Variants in CHRM3 observed in about 807,000 individuals in gnomAD.
The protein encoded by CHRM3 is muscarinic acetylcholine receptor M3.
In CHRM3, 11 loss-of-function variants were observed where a neutral mutation model predicts 41.8. The observed-to-expected ratio is 0.26, with a 90% confidence interval of 0.17 to 0.44. The LOEUF is 0.44. Among genes scored for constraint, CHRM3 ranks in the 20% least tolerant of loss-of-function variants. CHRM3 has a pLI of 1.00. For synonymous variants in CHRM3, 297 were observed against 301.4 expected (o/e 0.99, Z 0.15); for missense variants, 571 against 745.4 (o/e 0.77, Z 2.72).
intron 1 of CHRM3, among the ~76,000 whole-genome samples, chr1:239,479,209 C>G (rs1259798135): frequency 1.3e-5 from 2 of 151,604 alleles, no homozygotes; most frequent in African/African-American, 2.4e-5. Context: ...CACACACACA[C>G]ACACACACAC....
At position 239,677,760 on chromosome 1, in the gene CHRM3, A is replaced by AAGGACAGTCATTCTATACAAAAC. The variant is rs1658156134; in HGVS notation, c.-249-425_-249-403dup. ...ATTACATTTCAGTATGAGTTTTGAA[A>AAGGACAGTCATTCTATACAAAAC]AGGACAGTCATTCTATACAAAACCA... On this transcript the variant is annotated intron_variant, in intron 4 of 6. Coordinates refer to ENST00000676153, the MANE Select transcript of CHRM3 (RefSeq NM_001375978.1). Among the ~76,000 whole-genome samples the AAGGACAGTCATTCTATACAAAAC allele has an allele frequency of 2.6e-5, 4 of 152,338 alleles. No individual in the cohort carries two copies. In the East Asian group the frequency reaches 7.7e-4, roughly 29 times the overall value.
intron 5 of CHRM3, among the ~76,000 whole-genome samples, chr1:239,766,518 A>T (rs1281543330): frequency 6.6e-6 from 1 of 152,158 alleles, no homozygotes; most frequent in Non-Finnish European, 1.5e-5. Context: ...ATATCCCTGA[A>T]CTTAAAATAA....
At chr1:239,445,340 A>AAT (rs1161701654) in intron 1 of CHRM3, among the ~76,000 whole-genome samples, 1 of 152,124 alleles carries the variant, frequency 6.6e-6, no homozygotes, top group East Asian at 1.9e-4. Context: ...ATGAAGGGAA[A>AAT]ATATATATGG....
intron 6 of CHRM3, among the ~76,000 whole-genome samples, chr1:239,890,498 A>G (rs1472331580): frequency 1.3e-5 from 2 of 152,190 alleles, no homozygotes; most frequent in Non-Finnish European, 1.5e-5. Flanking sequence ...CATACATACA[A>G]TATTGAGAAT....
chr1:239,782,365 C>T (rs1668571315), intron 5 of CHRM3, among the ~76,000 whole-genome samples: 1 of 151,986 alleles, frequency 6.6e-6, no homozygotes, highest in Non-Finnish European at 1.5e-5. Flanking sequence ...GAAATTAATT[C>T]CTGCCATCTA....
At chr1:239,481,659 A>G (rs1666862119) in intron 1 of CHRM3, among the ~76,000 whole-genome samples, 1 of 152,246 alleles carries the variant, frequency 6.6e-6, no homozygotes. Flanking sequence ...TAAAAGAGAC[A>G]AACACAGAAG....
chr1:239,816,801 G>A (rs1457078804), intron 5 of CHRM3, among the ~76,000 whole-genome samples: 1 of 148,434 alleles, frequency 6.7e-6, no homozygotes, highest in African/African-American at 2.5e-5. Context: ...CACGATCTCA[G>A]CTCACTGCAA....
At chr1:239,617,733 A>G (rs564802197) in intron 3 of CHRM3, among the ~76,000 whole-genome samples, 1 of 152,294 alleles carries the variant, frequency 6.6e-6, no homozygotes, top group East Asian at 1.9e-4. Flanking sequence ...GAAAAAATTT[A>G]AACCTACAAT....
intron 3 of CHRM3, among the ~76,000 whole-genome samples, chr1:239,631,515 C>T (rs1233428483): frequency 6.6e-6 from 1 of 152,230 alleles, no homozygotes; most frequent in East Asian, 1.9e-4. Context: ...CCCATTCCTT[C>T]ATGACCCTCT....
intron 2 of CHRM3, among the ~76,000 whole-genome samples, chr1:239,511,692 AT>A (rs1363381042): frequency 4.6e-5 from 7 of 152,198 alleles, no homozygotes; most frequent in Non-Finnish European, 8.8e-5. Flanking sequence ...CAAATTAAAC[AT>A]TTATTTTAAT....
chr1:239,395,131 T>C (rs994487193), intron 1 of CHRM3, among the ~76,000 whole-genome samples: 11 of 152,162 alleles, frequency 7.2e-5, no homozygotes, highest in Non-Finnish European at 1.2e-4. Context: ...AGCTCTCTTC[T>C]CTCCTCTGGT....
At chr1:239,895,103 G>A (rs894787960) in intron 6 of CHRM3, among the ~76,000 whole-genome samples, 2 of 152,220 alleles carry the variant, frequency 1.3e-5, no homozygotes, top group Non-Finnish European at 2.9e-5. Context: ...ATGGACATTT[G>A]AAGAGATGAT....
chr1:239,551,403 C>T (rs1015063438), intron 3 of CHRM3, among the ~76,000 whole-genome samples: 1 of 151,472 alleles, frequency 6.6e-6, no homozygotes, highest in Non-Finnish European at 1.5e-5. Context: ...CTCAGGTAAT[C>T]CACCCACCTC....
intron 2 of CHRM3, among the ~76,000 whole-genome samples, chr1:239,522,041 T>TTTTCTTTTCTTTTC (rs71166877): frequency 1.4e-3 from 215 of 150,500 alleles, no homozygotes; most frequent in African/African-American, 3.8e-3. Context: ...TTTTCTTTTC[T>TTTTCTTTTCTTTTC]TTTTTGCCAT....
At chr1:239,456,074 G>A (rs1664910951) in intron 1 of CHRM3, among the ~76,000 whole-genome samples, 1 of 152,172 alleles carries the variant, frequency 6.6e-6, no homozygotes, top group African/African-American at 2.4e-5. Context: ...ACTAGGGAGG[G>A]GCAAGGAGGC....
intron 1 of CHRM3, among the ~76,000 whole-genome samples, chr1:239,443,632 T>C (rs1213119185): frequency 8.5e-5 from 13 of 152,208 alleles, no homozygotes; most frequent in Admixed American, 8.5e-4. Context: ...AAGTGCTTAC[T>C]TTAATGAAGA....
At position 239,907,652 on chromosome 1, in the gene CHRM3, A is replaced by G. The variant is rs1680081884; in HGVS notation, c.201A>G (p.Gln67=). ...DDPLGGHTVW[Q]VVFIAFLTGI... is the part of the protein sequence containing the mutation. ...CTCTGGGAGGTCATACCGTCTGGCA[A>G]GTGGTCTTCATCGCTTTCTTAACGG... The change falls in exon 7 of 7, where the codon CAA becomes CAG. Residue 67 remains glutamine, a synonymous_variant. Transcript: ENST00000676153. This position sits in a 1 kb window ranked among gnomAD's most constrained non-coding sequence, Gnocchi z 5.4. 1.2e-6 allele frequency: 2 copies of G among 1,613,976 alleles called. No homozygotes were observed. Among genetic ancestry groups the G allele is most frequent in the Non-Finnish European group, 1.7e-6 (2 of 1,180,028 alleles).
In CHRM3 at chr1:239,725,061, G is replaced by A. The variant is rs114264453; in HGVS notation, c.-147+46773G>A. On this transcript the variant is annotated intron_variant, in intron 5 of 6. Coordinates refer to ENST00000676153, the MANE Select transcript of CHRM3 (RefSeq NM_001375978.1). Reference sequence around the variant, plus strand: ...CCTATTACTTAGCAATACAGACTAAGCACCTTAGGATGGTGTTATCTTTGA... The same window carrying A: ...CCTATTACTTAGCAATACAGACTAAACACCTTAGGATGGTGTTATCTTTGA... Among the ~76,000 whole-genome samples the A allele has an allele frequency of 9.0e-3, 1,362 of 152,032 alleles. 18 individuals carry two copies. The highest frequency in any genetic ancestry group is 0.031 in the African/African-American group (1,291 of 41,534).
At chr1:239,439,851 A>AT (rs1663566515) in intron 1 of CHRM3, among the ~76,000 whole-genome samples, 1 of 152,028 alleles carries the variant, frequency 6.6e-6, no homozygotes, top group Non-Finnish European at 1.5e-5. Flanking sequence ...ATGTTTTTAG[A>AT]TTTTAGGAAA....
Sources: gnomAD v4.1 joint callset for allele counts (sites outside exome capture counted in the v4.1 genomes callset) on GRCh38, gnomAD v4.1.1 for gene constraint, Gnocchi (gnomAD v3.1) non-coding constraint, MANE v1.5 for transcripts, NCBI Gene and HGNC (gene_info 2026-07-23, HGNC 2026-07-21) for gene names.